The following GPHN variants were observed in gnomAD, a reference collection of about 807,000 sequenced individuals.
GPHN encodes the protein gephyrin.
In GPHN, 17 loss-of-function variants were observed where a neutral mutation model predicts 95.5. The ratio of observed to expected loss-of-function variants is 0.18; its 90% confidence interval spans 0.12 to 0.27. The LOEUF is 0.27. Among genes scored for constraint, GPHN ranks in the 10% least tolerant of loss-of-function variants. GPHN has a pLI of 1.00. For synonymous variants in GPHN, 320 were observed against 322.5 expected (o/e 0.99, Z 0.08); for missense variants, 660 against 978.1 (o/e 0.67, Z 4.34).
intron 5 of GPHN, among the ~76,000 whole-genome samples, chr14:66,889,618 G>A (rs1053974222): frequency 6.6e-6 from 1 of 152,028 alleles, no homozygotes; most frequent in African/African-American, 2.4e-5. Context: ...AGAAAAAGCA[G>A]CACTGATATT....
chr14:67,108,639 A>C (rs1012031358), intron 13 of GPHN, among the ~76,000 whole-genome samples: 1 of 151,738 alleles, frequency 6.6e-6, no homozygotes, highest in African/African-American at 2.4e-5. Flanking sequence ...AGACTTTTGT[A>C]ATAAATTTCC....
At chr14:67,062,456 A>G (rs1328453800) in intron 11 of GPHN, among the ~76,000 whole-genome samples, 1 of 152,264 alleles carries the variant, frequency 6.6e-6, no homozygotes, top group Non-Finnish European at 1.5e-5. Context: ...AACTGAATCC[A>G]TGCATTTGAA....
chr14:67,557,430 T>C, the GPHN span: 53 of 1,611,088 alleles, frequency 3.3e-5, no homozygotes, highest in Admixed American at 6.7e-5. Flanking sequence ...TAAGGGCTCA[T>C]GCGCAAGGGA....
intron 2 of GPHN, among the ~76,000 whole-genome samples, chr14:66,716,819 T>C (rs1322510921): frequency 2.0e-5 from 3 of 152,190 alleles, no homozygotes; most frequent in African/African-American, 7.2e-5. Flanking sequence ...AATTGTTTTG[T>C]TTGAGGAGGC....
At chr14:67,207,290 C>T in the GPHN span, among the ~76,000 whole-genome samples, 1 of 151,898 alleles carries the variant, frequency 6.6e-6, no homozygotes, top group African/African-American at 2.4e-5. Flanking sequence ...AACTTACAAT[C>T]GTGTGGAAGA....
chr14:67,551,784 G>T, the GPHN span, among the ~76,000 whole-genome samples: 1 of 152,080 alleles, frequency 6.6e-6, no homozygotes, highest in Non-Finnish European at 1.5e-5. Context: ...AGATACTTGG[G>T]AGATCGAGAA....
chr14:67,698,382 T>A, the GPHN span, among the ~76,000 whole-genome samples: 2 of 152,122 alleles, frequency 1.3e-5, no homozygotes, highest in Admixed American at 6.6e-5. Flanking sequence ...GGGAGGATTG[T>A]TTGAGTCAGG....
At chr14:67,218,222 G>A in the GPHN span, among the ~76,000 whole-genome samples, 1 of 152,178 alleles carries the variant, frequency 6.6e-6, no homozygotes, top group Non-Finnish European at 1.5e-5. Context: ...CTGTTACTGT[G>A]GCCAGAAGCA....
chr14:67,026,142 G>A (rs1357044477), intron 10 of GPHN, among the ~76,000 whole-genome samples: 1 of 152,120 alleles, frequency 6.6e-6, no homozygotes, highest in Admixed American at 6.5e-5. Flanking sequence ...CAAGTGCTCA[G>A]TATCTCTATG....
intron 1 of GPHN, among the ~76,000 whole-genome samples, chr14:66,673,463 A>G (rs1445515420): frequency 6.6e-6 from 1 of 152,222 alleles, no homozygotes; most frequent in East Asian, 1.9e-4. Flanking sequence ...CAATAACACT[A>G]TATTCACAAG....
At chr14:66,623,244 A>G (rs928041856) in intron 1 of GPHN, among the ~76,000 whole-genome samples, 1 of 152,230 alleles carries the variant, frequency 6.6e-6, no homozygotes, top group African/African-American at 2.4e-5. Context: ...CTCATTCACT[A>G]TAATGAGGAC....
intron 11 of GPHN, among the ~76,000 whole-genome samples, chr14:67,070,805 C>T (rs2076271676): frequency 6.7e-6 from 1 of 149,748 alleles, no homozygotes; most frequent in African/African-American, 2.5e-5. Context: ...GTGCTTTTAC[C>T]ACCGTACTTA....
the GPHN span, among the ~76,000 whole-genome samples, chr14:67,625,697 A>AAAG: frequency 6.7e-6 from 1 of 149,140 alleles, no homozygotes; most frequent in African/African-American, 2.4e-5. Flanking sequence ...AAAAAAAAAA[A>AAAG]AAAGAAACTG....
At chr14:66,529,445 C>A (rs1156462370) in intron 1 of GPHN, among the ~76,000 whole-genome samples, 2 of 152,046 alleles carry the variant, frequency 1.3e-5, no homozygotes, top group Non-Finnish European at 2.9e-5. Context: ...TTACTACCCA[C>A]TTTCTGAAGC....
At chr14:67,075,220 CT>C (rs937297536) in intron 11 of GPHN, among the ~76,000 whole-genome samples, 69 of 152,300 alleles carry the variant, frequency 4.5e-4, no homozygotes, top group Middle Eastern at 3.4e-3. Flanking sequence ...TATGCTAAAT[CT>C]TCCCTCCCTG....
chr14:66,564,386 T>TA (rs1176970929), intron 1 of GPHN, among the ~76,000 whole-genome samples: 9 of 152,148 alleles, frequency 5.9e-5, no homozygotes, highest in African/African-American at 1.7e-4. Context: ...ATAAATTCAA[T>TA]AAATTTAGCT....
the GPHN span, among the ~76,000 whole-genome samples, chr14:67,680,964 A>G: frequency 6.6e-6 from 1 of 152,208 alleles, no homozygotes; most frequent in Non-Finnish European, 1.5e-5. Context: ...ATAAACCCTT[A>G]TATTTATGGT....
intron 8 of GPHN, among the ~76,000 whole-genome samples, chr14:66,942,673 T>C (rs1030275330): frequency 2.0e-5 from 3 of 152,186 alleles, no homozygotes; most frequent in South Asian, 2.1e-4. Context: ...GGGACATATA[T>C]TAGTATTATT....
At chr14:66,917,027 C>T (rs1195150992) in intron 6 of GPHN, among the ~76,000 whole-genome samples, 1 of 152,170 alleles carries the variant, frequency 6.6e-6, no homozygotes, top group Non-Finnish European at 1.5e-5. Context: ...CCATTACATA[C>T]ATTTTCATAA....
Sources: gnomAD v4.1 joint callset for allele counts (sites outside exome capture counted in the v4.1 genomes callset) on GRCh38, gnomAD v4.1.1 for gene constraint, MANE v1.5 for transcripts, NCBI Gene and HGNC (gene_info 2026-07-23, HGNC 2026-07-21) for gene names.